HK2: variants seen among roughly 807,000 people sequenced by gnomAD.
HK2 encodes hexokinase-2.
HK2 carries 42 observed loss-of-function variants against 92.9 expected under a neutral mutation model. The observed-to-expected ratio is 0.45, with a 90% CI of 0.35 to 0.58. HK2 has a LOEUF of 0.58. Ranked by LOEUF, HK2 falls within the 20% of genes least tolerant of loss-of-function variation. HK2 has a pLI of 0.00. For missense variants in HK2, 978 were observed against 1,245.1 expected (o/e 0.79, Z 3.23); for synonymous variants, 422 against 468.0 (o/e 0.90, Z 1.27).
In HK2 at chr2:74,878,828, C is replaced by T; in HGVS notation, c.1172C>T (p.Ala391Val). ...GCCAGCCTGTGCGCAGCCACCCTGG[C>T]CGCCGTGCTGCAGCGCATCAAGGAG... ...RSASLCAATL[A>V]AVLQRIKENK... The change falls in exon 9 of 18, where the codon GCC becomes GTC. Residue 391 changes from alanine to valine, a missense_variant. Ala to Val is a moderately conservative substitution (Grantham distance 64). Transcript: ENST00000290573. The T allele has an allele frequency of 6.4e-7, 1 of 1,558,140 alleles. No individual in the cohort carries two copies. The highest frequency in any genetic ancestry group is 8.7e-7 in the Non-Finnish European group (1 of 1,150,450).
At chr2:74,842,102 G>T (rs1688326935) in intron 1 of HK2, among the ~76,000 whole-genome samples, 1 of 152,200 alleles carries the variant, frequency 6.6e-6, no homozygotes, top group South Asian at 2.1e-4. Context: ...AGATTGTTTG[G>T]ATAACACTTT....
chr2:74,865,502 T>C (rs1688924259), intron 2 of HK2, among the ~76,000 whole-genome samples: 1 of 152,082 alleles, frequency 6.6e-6, no homozygotes, highest in African/African-American at 2.4e-5. Flanking sequence ...CTTTCATCCC[T>C]CATGACAGCC....
intron 2 of HK2, among the ~76,000 whole-genome samples, chr2:74,860,174 T>C: frequency 1.8e-5 from 1 of 56,230 alleles, no homozygotes; most frequent in African/African-American, 8.6e-5. Flanking sequence ...AGGGTGAGGG[T>C]AGGAGGGTGG....
chr2:74,834,741 T>A lies in HK2; in HGVS notation c.63+98T>A. 7.3e-7 allele frequency: 1 copy of A among 1,363,934 alleles called. No homozygotes were observed. The highest frequency in any genetic ancestry group is 1.0e-6 in the Non-Finnish European group (1 of 955,906). The allele number at this position is 1,363,934 out of a possible 1,614,324, so 84.5% of individuals were successfully genotyped here. A position where few individuals can be genotyped will look rare whatever the true frequency, so the allele number is the denominator to read the frequency against. On this transcript the variant is annotated intron_variant, in intron 1 of 17. Coordinates refer to ENST00000290573, the MANE Select transcript of HK2 (RefSeq NM_000189.5). The surrounding 1 kb of genome is among the most constrained non-coding windows in gnomAD (Gnocchi z 4.2). ...ACCCTGCGGGGACCCGCTTCCTCCC[T>A]ACTCCGGGCCTGGGAGCGGAAAAAG... is the stretch of plus-strand genomic sequence containing the variant.
Position 74,854,335 on chromosome 2 carries a change from C to T in HK2, c.106C>T (p.Leu36Phe). The T allele has an allele frequency of 6.2e-7, 1 of 1,613,476 alleles. No individual in the cohort carries two copies. The highest frequency in any genetic ancestry group is 8.5e-7 in the Non-Finnish European group (1 of 1,179,994). Residue 36 changes from leucine to phenylalanine, a missense_variant, in exon 2 of 18, where the codon CTC (leucine) becomes TTC (phenylalanine). Around this residue, in one of 3 missense-constraint regions of HK2, gnomAD observed 189 missense variants for 289.5 expected, o/e 0.65. Coordinates refer to ENST00000290573, the MANE Select transcript of HK2 (RefSeq NM_000189.5). ...LYHMRLSDET[L>F]LEISKRFRKE... ...CCACATGCGCCTCTCTGATGAGACC[C>T]TCTTGGAGATCTCTAAGCGGTTCCG...
chr2:74,871,495 G>A (rs745487993), intron 3 of HK2, among the ~76,000 whole-genome samples: 17 of 152,164 alleles, frequency 1.1e-4, no homozygotes, highest in Non-Finnish European at 2.1e-4. Context: ...CAAGAAGGAC[G>A]CCAGGGGATT....
intron 2 of HK2, among the ~76,000 whole-genome samples, chr2:74,856,018 C>T (rs1278288044): frequency 1.3e-5 from 2 of 152,026 alleles, no homozygotes; most frequent in African/African-American, 4.8e-5. Context: ...ATCTAGAGGA[C>T]AGGAGAGAGA....
At chr2:74,875,327 G>GT (rs61418530) in intron 7 of HK2, among the ~76,000 whole-genome samples, 67,304 of 112,088 alleles carry the variant, frequency 0.6, 21,461 homozygotes, top group Middle Eastern at 0.75. Flanking sequence ...CCTTGCTTTC[G>GT]TTTTTTTTTT....
chr2:74,879,792 G>A (rs1301421500), intron 9 of HK2, among the ~76,000 whole-genome samples: 7 of 152,232 alleles, frequency 4.6e-5, no homozygotes, highest in Admixed American at 4.6e-4. Flanking sequence ...GCAAAAGAGA[G>A]GCTAAAGTCC....
chr2:74,887,986 T>C lies in HK2; in HGVS notation c.2303T>C (p.Phe768Ser). The C allele has an allele frequency of 6.2e-7, 1 of 1,614,158 alleles. No individual in the cohort carries two copies. The highest frequency in any genetic ancestry group is 1.1e-5 in the South Asian group (1 of 91,080). ...GATTTCACCAAGCGTGGACTACTCT[T>C]CCGAGGCCGCATCTCAGAGCGGCTC... Reference protein sequence around the residue: ...LIDFTKRGLLFRGRISERLKT... With the variant: ...LIDFTKRGLLSRGRISERLKT... The change falls in exon 16 of 18, where the codon TTC becomes TCC. Residue 768 changes from phenylalanine (F) to serine (S), a missense_variant. Around this residue, in one of 3 missense-constraint regions of HK2, gnomAD observed 742 missense variants for 922.5 expected, o/e 0.80. Transcript: ENST00000290573.
rs369669565 is a variant in HK2 at position 74,881,820 on chromosome 2, C to T, written c.1680C>T (p.Tyr560=). The T allele has an allele frequency of 2.7e-5, 44 of 1,614,058 alleles. No homozygotes were observed. Among genetic ancestry groups the T allele is most frequent in the African/African-American group, 1.1e-4 (8 of 74,926 alleles). The change falls in exon 11 of 18, where the codon TAC becomes TAT. Residue 560 remains tyrosine, a synonymous_variant. Coordinates refer to ENST00000290573, the MANE Select transcript of HK2 (RefSeq NM_000189.5). The part of the protein sequence containing the change: ...WGGVEMHNKI[Y]AIPQEVMHGT... ...GAGTGGAGATGCACAACAAGATCTA[C>T]GCCATCCCGCAGGAGGTCATGCACG...
intron 1 of HK2, among the ~76,000 whole-genome samples, chr2:74,853,464 T>TC (rs1292782692): frequency 6.6e-6 from 1 of 151,168 alleles, no homozygotes; most frequent in Non-Finnish European, 1.5e-5. Context: ...TTGCAGTGAG[T>TC]CGAGATTGCG....
intron 1 of HK2, among the ~76,000 whole-genome samples, chr2:74,847,784 T>C (rs1004167538): frequency 6.6e-6 from 1 of 152,202 alleles, no homozygotes; most frequent in African/African-American, 2.4e-5. Flanking sequence ...TTTGAGTCAG[T>C]CGTTTTCATC....
chr2:74,853,774 G>C (rs1217450479), intron 1 of HK2, among the ~76,000 whole-genome samples: 1 of 151,818 alleles, frequency 6.6e-6, no homozygotes, highest in Non-Finnish European at 1.5e-5. Context: ...TTTGAGCTTT[G>C]TTCCAATGGA....
At chr2:74,858,459 C>T (rs575880516) in intron 2 of HK2, among the ~76,000 whole-genome samples, 1 of 152,292 alleles carries the variant, frequency 6.6e-6, no homozygotes, top group South Asian at 2.1e-4. Context: ...TCTATTTCCT[C>T]ATTTGTGAAA....
intron 10 of HK2, among the ~76,000 whole-genome samples, chr2:74,881,374 C>A (rs1037607760): frequency 6.6e-6 from 1 of 152,154 alleles, no homozygotes. Context: ...CGTATGGCCC[C>A]GGGCAAGTGA....
Position 74,886,529 on chromosome 2 carries a change from A to T in HK2, c.2075A>T (p.Asn692Ile), listed in dbSNP as rs769140068. Residue 692 changes from asparagine to isoleucine, a missense_variant, in exon 15 of 18, where the codon AAC becomes ATC. Physicochemically the swap from Asn to Ile is moderately radical, Grantham distance 149. Transcript: ENST00000290573. ...GCCTGCTACATGGAGGAGATGCGCA[A>T]CGTGGAACTGGTGGAAGGAGAAGAG... is the stretch of plus-strand genomic sequence containing the variant. ...SNACYMEEMR[N>I]VELVEGEEGR... 9 of 1,614,014 alleles carry T rather than the reference A, an allele frequency of 5.6e-6. No homozygotes were observed. Among genetic ancestry groups the T allele is most frequent in the Middle Eastern group, 1.7e-4 (1 of 6,060 alleles).
At chr2:74,877,067 A>G (rs1689251094) in intron 7 of HK2, 99 bp from the exon 8 acceptor site, 1 of 1,478,264 alleles carries the variant, frequency 6.8e-7, no homozygotes, top group African/African-American at 1.4e-5. Context: ...ATTAACCCTT[A>G]GTTGTGAAGT....
chr2:74,854,563 T>A, intron 2 of HK2, 108 bp downstream of exon 2: 1 of 1,179,240 alleles, frequency 8.5e-7, no homozygotes, highest in Non-Finnish European at 1.2e-6. Flanking sequence ...CAACCCTGGC[T>A]AAGGGAAGCA....
Sources: gnomAD v4.1 joint callset for allele counts (sites outside exome capture counted in the v4.1 genomes callset) on GRCh38, gnomAD v4.1.1 for gene constraint, gnomAD v4.1.1 regional missense constraint, Gnocchi (gnomAD v3.1) non-coding constraint, MANE v1.5 for transcripts, NCBI Gene and HGNC (gene_info 2026-07-23, HGNC 2026-07-21) for gene names.